CA10: variants seen among roughly 807,000 people sequenced by gnomAD.
CA10 encodes the protein carbonic anhydrase-related protein 10.
CA10 carries 14 observed loss-of-function variants against 44.2 expected under a neutral mutation model. The observed-to-expected ratio is 0.32, with a 90% CI of 0.21 to 0.50. The LOEUF (loss-of-function observed/expected upper bound fraction) is 0.50. Ranked by LOEUF, CA10 falls within the 20% of genes least tolerant of loss-of-function variation. The pLI, the probability that CA10 is intolerant of heterozygous loss-of-function variation, is 0.99. For missense variants in CA10, 350 were observed against 409.7 expected, an observed-to-expected ratio of 0.85 and a Z score of 1.26; for synonymous variants, 159 against 141.6, an observed-to-expected ratio of 1.12 and a Z score of -0.87.
intron 3 of CA10, among the ~76,000 whole-genome samples, chr17:51,868,701 C>T (rs1432383832): frequency 2.0e-5 from 3 of 152,044 alleles, no homozygotes; most frequent in Non-Finnish European, 4.4e-5. Flanking sequence ...ATTCTGACAT[C>T]TCCTGCTTGG....
chr17:51,671,648 C>T (rs919407860), intron 4 of CA10, among the ~76,000 whole-genome samples: 1 of 151,982 alleles, frequency 6.6e-6, no homozygotes, highest in African/African-American at 2.4e-5. Flanking sequence ...TCATGATCCG[C>T]CTGCCTCGGC....
intron 3 of CA10, among the ~76,000 whole-genome samples, chr17:51,915,066 A>C (rs1981938188): frequency 6.6e-6 from 1 of 152,116 alleles, no homozygotes; most frequent in Non-Finnish European, 1.5e-5. Flanking sequence ...ACATTTATTG[A>C]CTGCTTTCTG....
In CA10 at chr17:51,631,566, T is replaced by C; in HGVS notation, c.*18A>G. 6.2e-7 allele frequency: 1 copy of C among 1,610,658 alleles called. No individual in the cohort carries two copies. Among genetic ancestry groups the C allele is most frequent in the South Asian group, 1.1e-5 (1 of 90,946 alleles). Reference sequence around the variant, plus strand: ...TTGTAGCATTTCACTGAGGTGGGATTCTTCTTGGCTTTGTTCCCTACTTGA... The same window carrying C: ...TTGTAGCATTTCACTGAGGTGGGATCCTTCTTGGCTTTGTTCCCTACTTGA... On this transcript the variant is annotated 3_prime_UTR_variant, in exon 9 of 9. Coordinates refer to ENST00000451037, the MANE Select transcript of CA10 (RefSeq NM_020178.5).
At chr17:52,006,276 GA>G (rs150140822) in intron 2 of CA10, among the ~76,000 whole-genome samples, 5,286 of 151,674 alleles carry the variant, frequency 0.035, 313 homozygotes, top group African/African-American at 0.12. Flanking sequence ...TAGCTATACT[GA>G]AAAAAGAAAA....
intron 3 of CA10, among the ~76,000 whole-genome samples, chr17:51,800,252 C>T (rs998446792): frequency 2.0e-5 from 3 of 152,086 alleles, no homozygotes; most frequent in South Asian, 2.1e-4. Flanking sequence ...CAGACACAAA[C>T]GGCTACGTAT....
At chr17:51,895,897 CTG>C (rs1177637174) in intron 3 of CA10, among the ~76,000 whole-genome samples, 5 of 151,438 alleles carry the variant, frequency 3.3e-5, no homozygotes, top group African/African-American at 1.2e-4. Flanking sequence ...ATGAGGTAAA[CTG>C]TAAATAAAAA....
chr17:51,924,539 A>G (rs1598120462), intron 3 of CA10, among the ~76,000 whole-genome samples: 1 of 152,216 alleles, frequency 6.6e-6, no homozygotes, highest in South Asian at 2.1e-4. Context: ...ATTTGGATCC[A>G]TCTTTACCTT....
chr17:51,947,565 A>G (rs1371349044), intron 2 of CA10, among the ~76,000 whole-genome samples: 24 of 152,204 alleles, frequency 1.6e-4, no homozygotes, highest in Non-Finnish European at 3.4e-4. Context: ...CTGAATTCTT[A>G]ATGTGAGACA....
chr17:52,142,356 G>A (rs774349501), intron 1 of CA10, among the ~76,000 whole-genome samples: 5 of 152,162 alleles, frequency 3.3e-5, no homozygotes, highest in Admixed American at 6.5e-5. Flanking sequence ...TTTACAAAGA[G>A]ACTATGGTTG....
At chr17:51,805,965 C>T (rs531333215) in intron 3 of CA10, among the ~76,000 whole-genome samples, 3 of 152,180 alleles carry the variant, frequency 2.0e-5, no homozygotes, top group Non-Finnish European at 4.4e-5. Flanking sequence ...GAAGAGCCCT[C>T]TGGCAGAGGG....
chr17:51,733,230 T>C (rs1391662016), intron 4 of CA10, among the ~76,000 whole-genome samples: 2 of 152,192 alleles, frequency 1.3e-5, no homozygotes, highest in Non-Finnish European at 2.9e-5. Context: ...AGCTTTTCTA[T>C]GAGATAGCAA....
chr17:51,848,515 T>C (rs1978600029), intron 3 of CA10, among the ~76,000 whole-genome samples: 1 of 152,212 alleles, frequency 6.6e-6, no homozygotes, highest in Non-Finnish European at 1.5e-5. Context: ...AGCACTGGCC[T>C]GTGGAGAATG....
intron 2 of CA10, among the ~76,000 whole-genome samples, chr17:52,061,083 T>C (rs1394405596): frequency 1.3e-5 from 2 of 152,170 alleles, no homozygotes; most frequent in Non-Finnish European, 2.9e-5. Flanking sequence ...CTTCCCAAAA[T>C]GTCCATATTC....
intron 2 of CA10, among the ~76,000 whole-genome samples, chr17:51,988,528 T>G (rs1984924797): frequency 6.6e-6 from 1 of 152,020 alleles, no homozygotes; most frequent in Non-Finnish European, 1.5e-5. Flanking sequence ...TGATTTAATT[T>G]TTTTTCCATT....
intron 1 of CA10, among the ~76,000 whole-genome samples, chr17:52,154,449 G>A (rs1018147292): frequency 3.9e-5 from 6 of 152,302 alleles, no homozygotes; most frequent in African/African-American, 1.2e-4. Context: ...GTTACATAAG[G>A]AGGAAGTAGG....
chr17:51,673,290 C>T (rs1422897611), intron 4 of CA10, among the ~76,000 whole-genome samples: 1 of 152,180 alleles, frequency 6.6e-6, no homozygotes. Flanking sequence ...CATGCAGATA[C>T]CTCAGCTGGT....
At chr17:51,670,989 G>A (rs1387422528) in intron 4 of CA10, among the ~76,000 whole-genome samples, 1 of 152,172 alleles carries the variant, frequency 6.6e-6, no homozygotes, top group African/African-American at 2.4e-5. Context: ...ATCAGACTTA[G>A]GGGGTGGCTA....
intron 3 of CA10, among the ~76,000 whole-genome samples, chr17:51,862,627 A>T (rs1598087493): frequency 6.6e-6 from 1 of 152,134 alleles, no homozygotes; most frequent in Non-Finnish European, 1.5e-5. Flanking sequence ...ACAAAATACC[A>T]TAGACTGAGT....
intron 2 of CA10, among the ~76,000 whole-genome samples, chr17:52,053,849 G>T (rs1196581125): frequency 1.3e-5 from 2 of 152,154 alleles, no homozygotes; most frequent in South Asian, 4.1e-4. Flanking sequence ...AACATAAATT[G>T]TGAAGATTTC....
Sources: gnomAD v4.1 joint callset for allele counts (sites outside exome capture counted in the v4.1 genomes callset) on GRCh38, gnomAD v4.1.1 for gene constraint, MANE v1.5 for transcripts, NCBI Gene and HGNC (gene_info 2026-07-23, HGNC 2026-07-21) for gene names.